MSN: variants seen among roughly 807,000 people sequenced by gnomAD.
MSN encodes moesin, also known as epididymis luminal protein 70.
Under a neutral mutation model 48.0 loss-of-function variants are expected in MSN, and 2 were observed. The observed-to-expected ratio is 0.04, with a 90% CI of 0.02 to 0.13. The LOEUF is 0.13. Ranked by LOEUF, MSN falls within the 10% of genes least tolerant of loss-of-function variation. The pLI, the probability that MSN is intolerant of heterozygous loss-of-function variation, is 1.00. For missense variants in MSN, 267 were observed against 470.1 expected (o/e 0.57, Z 3.99); for synonymous variants, 146 against 166.9 (o/e 0.87, Z 0.97).
At chrX:65,685,671 C>T (rs141598992) in intron 1 of MSN, among the ~76,000 whole-genome samples, 1,580 of 111,893 alleles carry the variant, frequency 0.014, 34 homozygotes, top group African/African-American at 0.049. Flanking sequence ...TCTTGGCTCA[C>T]GGTAGCCTCC....
chrX:65,618,803 T>C (rs201310954), intron 1 of MSN, among the ~76,000 whole-genome samples: 11 of 110,529 alleles, frequency 1.0e-4, no homozygotes, highest in Admixed American at 2.9e-4. Context: ...TTCCTAGTCT[T>C]GATGGTCTTT....
intron 1 of MSN, among the ~76,000 whole-genome samples, chrX:65,599,510 G>A (rs975861309): frequency 8.9e-6 from 1 of 111,793 alleles, no homozygotes; most frequent in African/African-American, 3.3e-5. Flanking sequence ...GCATGTGCCT[G>A]TAGTCCCAAC....
intron 1 of MSN, among the ~76,000 whole-genome samples, chrX:65,617,315 G>A (rs770254616): frequency 9.0e-5 from 10 of 110,965 alleles, no homozygotes; most frequent in East Asian, 8.4e-4. Context: ...GGTAGAATTC[G>A]CCTGTGAATC....
Position 65,651,801 on chromosome X carries a change from T to C in MSN, c.-22+63189T>C, listed in dbSNP as rs933481279. On this transcript the variant is annotated intron_variant, in intron 1 of 3. Transcript: ENST00000609672. ...ATGGGGTTTCATCACATTGGCCACATTGGCCAGGCTGGTCTCGAACTCCTG... is the reference window on the plus strand; with the variant it reads ...ATGGGGTTTCATCACATTGGCCACACTGGCCAGGCTGGTCTCGAACTCCTG... Among the ~76,000 whole-genome samples the C allele has an allele frequency of 2.8e-5, 3 of 106,590 alleles. No individual in the cohort carries two copies. In the Admixed American group the frequency reaches 3.0e-4, roughly 11 times the overall value. The allele number at this position is 106,590 out of a possible 115,157, so 92.6% of individuals were successfully genotyped here.
intron 1 of MSN, among the ~76,000 whole-genome samples, chrX:65,656,031 T>C (rs2070778542): frequency 8.9e-6 from 1 of 112,273 alleles, no homozygotes; most frequent in African/African-American, 3.2e-5. Context: ...CCTCCCAAAG[T>C]TCAGGGATTA....
intron 1 of MSN, among the ~76,000 whole-genome samples, chrX:65,700,352 G>A (rs1346435864): frequency 9.0e-6 from 1 of 111,706 alleles, no homozygotes; most frequent in Non-Finnish European, 1.9e-5. Context: ...TTTGTGAAGA[G>A]ATCTTAAGAA....
rs755392682 is a variant in MSN at position 65,599,141 on chromosome X, A to AG, written c.-22+10529_-22+10530insG. Among the ~76,000 whole-genome samples, 199 of 109,610 alleles carry AG rather than the reference A, an allele frequency of 1.8e-3. 1 individual carries two copies. The Middle Eastern group carries it at 0.019, about 10-fold the overall frequency. On this transcript the variant is annotated intron_variant, in intron 1 of 3. Coordinates refer to the MSN transcript ENST00000609672. ...TGTCTACTAAAAATTAAAAAAAAAAAAAAATTAACTGGGGATGGTAACACG... is the reference window on the plus strand; with the variant it reads ...TGTCTACTAAAAATTAAAAAAAAAAAGAAAATTAACTGGGGATGGTAACACG...
At chrX:65,617,460 T>A (rs1365625646) in intron 1 of MSN, among the ~76,000 whole-genome samples, 6 of 103,210 alleles carry the variant, frequency 5.8e-5, no homozygotes, top group Admixed American at 9.8e-5. Context: ...CAGGAATTTA[T>A]GCATTTCTTC....
intron 1 of MSN, among the ~76,000 whole-genome samples, chrX:65,651,719 C>T (rs1480829807): frequency 9.3e-6 from 1 of 107,423 alleles, no homozygotes; most frequent in Non-Finnish European, 1.9e-5. Flanking sequence ...TCTTGAGTAG[C>T]TGGGATTACA....
chrX:65,734,475 C>T (rs2071655063), intron 7 of MSN, among the ~76,000 whole-genome samples: 1 of 111,698 alleles, frequency 9.0e-6, no homozygotes, highest in Non-Finnish European at 1.9e-5. Context: ...AATGGTAGAG[C>T]TGGGATTTAT....
At chrX:65,639,708 C>G (rs1275600612) in intron 1 of MSN, among the ~76,000 whole-genome samples, 1 of 111,567 alleles carries the variant, frequency 9.0e-6, no homozygotes, top group Non-Finnish European at 1.9e-5. Context: ...TACAGGGATT[C>G]TTGGCTACCT....
chrX:65,626,677 A>T (rs1204686332), intron 1 of MSN, among the ~76,000 whole-genome samples: 9 of 107,248 alleles, frequency 8.4e-5, no homozygotes, highest in Non-Finnish European at 1.5e-4. Context: ...CTGCTGAAAA[A>T]CCCCCAAATC....
chrX:65,609,897 G>GATTT (rs1051843413), intron 1 of MSN, among the ~76,000 whole-genome samples: 1 of 110,096 alleles, frequency 9.1e-6, no homozygotes, highest in African/African-American at 3.3e-5. Context: ...AAAAAAAGTA[G>GATTT]ATTTCCTGAC....
rs761856680 is a variant in MSN, at chrX:65,647,108, G to A, written c.-22+58496G>A. 2.7e-5 allele frequency among the ~76,000 whole-genome samples: 3 copies of A among 111,739 alleles called. No homozygotes were observed. The South Asian group carries it at 1.1e-3, about 42-fold the overall frequency. ...CTTAATGAAACTTATGGTTTACTTGGGGAGACAGACATTAATCAACTCAAG... is the reference window on the plus strand; with the variant it reads ...CTTAATGAAACTTATGGTTTACTTGAGGAGACAGACATTAATCAACTCAAG... On this transcript the variant is annotated intron_variant, in intron 1 of 3. Coordinates refer to the MSN transcript ENST00000609672.
intron 1 of MSN, among the ~76,000 whole-genome samples, chrX:65,629,312 T>C (rs970230216): frequency 2.0e-4 from 22 of 111,594 alleles, no homozygotes; most frequent in African/African-American, 7.2e-4. Context: ...CTGGACCTTA[T>C]TGTTCATATC....
chrX:65,732,208 G>A (rs1445352326), intron 6 of MSN, among the ~76,000 whole-genome samples: 4 of 111,706 alleles, frequency 3.6e-5, no homozygotes, highest in Non-Finnish European at 5.6e-5. Flanking sequence ...TGGGGCTATT[G>A]AACACTTGAA....
chrX:65,667,485 G>A (rs1171024506), upstream of MSN, among the ~76,000 whole-genome samples: 1 of 110,531 alleles, frequency 9.0e-6, no homozygotes, highest in East Asian at 2.9e-4. Flanking sequence ...CCCTAGGTCC[G>A]CCCGGGCCCA....
In MSN at chrX:65,651,564, A is replaced by T. The variant is rs1047799165; in HGVS notation, c.-22+62952A>T. Among the ~76,000 whole-genome samples, 372 of 55,310 alleles carry T rather than the reference A, an allele frequency of 6.7e-3. 6 individuals are homozygous for T. In the African/African-American group the frequency reaches 0.079, roughly 12 times the overall value. 48.0% of individuals were successfully genotyped at this position (55,310 alleles called of 115,157 possible). A position where few individuals can be genotyped will look rare whatever the true frequency, so the allele number is the denominator to read the frequency against. On this transcript the variant is annotated intron_variant, in intron 1 of 3. Transcript: ENST00000609672. Reference sequence around the variant, plus strand: ...ATGGGCAAGGAAAGAAGTAATATTTATTATTATTATTATTATTATTATTAT... The same window carrying T: ...ATGGGCAAGGAAAGAAGTAATATTTTTTATTATTATTATTATTATTATTAT...
chrX:65,668,383 G>A (rs1183162380), intron 1 of MSN, among the ~76,000 whole-genome samples: 3 of 111,740 alleles, frequency 2.7e-5, no homozygotes, highest in Non-Finnish European at 5.7e-5. Flanking sequence ...ACTAGGAGGT[G>A]AGGAGAGAGA....
Sources: allele counts gnomAD v4.1 joint callset (sites outside exome capture counted in the v4.1 genomes callset), GRCh38; gene constraint gnomAD v4.1.1; transcripts MANE v1.5; gene names NCBI Gene and HGNC (gene_info 2026-07-23, HGNC 2026-07-21).